NSUN6: variants seen among roughly 807,000 people sequenced by gnomAD.
NSUN6 encodes the protein NOP2/Sun RNA methyltransferase 6.
Under a neutral mutation model 58.0 loss-of-function variants are expected in NSUN6, and 64 were observed. The ratio of observed to expected loss-of-function variants is 1.10; its 90% CI spans 0.90 to 1.36. The LOEUF is 1.36. Among genes scored for constraint, NSUN6 ranks in the 40% most tolerant of loss-of-function variants. NSUN6 has a pLI of 0.00. For synonymous variants in NSUN6, 231 were observed against 193.9 expected (o/e 1.19, Z -1.59); for missense variants, 701 against 550.1 (o/e 1.27, Z -2.74).
intron 5 of NSUN6, among the ~76,000 whole-genome samples, chr10:18,614,049 T>A (rs1358849020): frequency 6.6e-6 from 1 of 152,156 alleles, no homozygotes; most frequent in Non-Finnish European, 1.5e-5. Context: ...AGGTTTCTGG[T>A]AAAATTTATT....
Position 18,545,860 on chromosome 10 carries a change from A to T in NSUN6, c.*73T>A. ...ATCATCATTCAGTTGGCCTGACAAC[A>T]CTTTGGTTAAAAAAAAAAAAACCAC... On this transcript the variant is annotated 3_prime_UTR_variant, in exon 11 of 11. Coordinates refer to ENST00000377304, the MANE Select transcript of NSUN6 (RefSeq NM_182543.5). 1.8e-6 allele frequency: 1 copy of T among 565,492 alleles called. No individual in the cohort carries two copies. 35.0% of individuals were successfully genotyped at this position (565,492 alleles called of 1,614,324 possible).
rs879593722 is a variant in NSUN6 at position 18,558,530 on chromosome 10, CGG to C, written c.923-6561_923-6560del. Among the ~76,000 whole-genome samples the C allele has an allele frequency of 5.2e-3, 641 of 123,434 alleles. 3 individuals carry two copies. Among genetic ancestry groups the C allele is most frequent in the Non-Finnish European group, 7.9e-3 (444 of 56,382 alleles). The allele number at this position is 123,434 out of a possible 152,430, so 81.0% of individuals were successfully genotyped here. ...GAAAGGAATAGAATATGGAATGGAA[CGG>C]AGAATGGAATGGAATGCAGTAGTGA... On this transcript the variant is annotated intron_variant, in intron 8 of 10. Coordinates refer to ENST00000377304, the MANE Select transcript of NSUN6 (RefSeq NM_182543.5).
chr10:18,559,975 T>A (rs1187985459), intron 8 of NSUN6, among the ~76,000 whole-genome samples: 1 of 145,588 alleles, frequency 6.9e-6, no homozygotes, highest in Non-Finnish European at 1.5e-5. Context: ...TGGAATGGAA[T>A]GGAGAATCGA....
At position 18,575,252 on chromosome 10, in the gene NSUN6, T is replaced by C. The variant is rs557897416; in HGVS notation, c.922+10697A>G. ...ACAGGTTATAAATAGTTGCTTAGTATATAAGAAAACTAAGAAACTATAAAA... is the reference window on the plus strand; with the variant it reads ...ACAGGTTATAAATAGTTGCTTAGTACATAAGAAAACTAAGAAACTATAAAA... On this transcript the variant is annotated intron_variant, in intron 8 of 10. Transcript: ENST00000377304. Among the ~76,000 whole-genome samples, 3 of 152,294 alleles carry C rather than the reference T, an allele frequency of 2.0e-5. No individual in the cohort carries two copies. The South Asian group carries it at 6.2e-4, about 32-fold the overall frequency.
chr10:18,626,831 T>G (rs10734063), intron 3 of NSUN6, among the ~76,000 whole-genome samples: 4 of 152,056 alleles, frequency 2.6e-5, no homozygotes, highest in Non-Finnish European at 5.9e-5. Flanking sequence ...CCAGTCTCAT[T>G]TGGATTTCAA....
intron 2 of NSUN6, among the ~76,000 whole-genome samples, chr10:18,645,934 C>G (rs1393630152): frequency 6.6e-6 from 1 of 152,144 alleles, no homozygotes; most frequent in African/African-American, 2.4e-5. Context: ...GGGATTCACG[C>G]GTGTAATCCC....
intron 3 of NSUN6, among the ~76,000 whole-genome samples, chr10:18,633,639 A>G (rs1472700121): frequency 1.3e-5 from 2 of 151,996 alleles, no homozygotes; most frequent in East Asian, 3.9e-4. Flanking sequence ...CACTTAGTGA[A>G]AAAAAAATCA....
intron 3 of NSUN6, among the ~76,000 whole-genome samples, chr10:18,641,454 C>T (rs1206821842): frequency 3.3e-5 from 5 of 151,878 alleles, no homozygotes; most frequent in African/African-American, 1.2e-4. Context: ...CAGCCTCCAC[C>T]TCCCAGGCTC....
At chr10:18,610,979 G>A (rs922055407) in intron 5 of NSUN6, among the ~76,000 whole-genome samples, 30 of 152,242 alleles carry the variant, frequency 2.0e-4, no homozygotes, top group Middle Eastern at 3.4e-3. Flanking sequence ...TGGCACAGGA[G>A]GATCACTTGA....
At chr10:18,583,590 A>T (rs1304496796) in intron 8 of NSUN6, among the ~76,000 whole-genome samples, 1 of 152,228 alleles carries the variant, frequency 6.6e-6, no homozygotes, top group Non-Finnish European at 1.5e-5. Flanking sequence ...GCCAATAAAA[A>T]TATGTTCAAA....
At chr10:18,577,093 G>A (rs866924610) in intron 8 of NSUN6, among the ~76,000 whole-genome samples, 14 of 152,136 alleles carry the variant, frequency 9.2e-5, no homozygotes, top group South Asian at 6.2e-4. Context: ...TACAACCAAC[G>A]GCGATTTATT....
chr10:18,617,275 C>A (rs1318320348), intron 3 of NSUN6, among the ~76,000 whole-genome samples: 1 of 151,146 alleles, frequency 6.6e-6, no homozygotes, highest in Non-Finnish European at 1.5e-5. Context: ...GCAACCTCTG[C>A]CATCTGGGTT....
chr10:18,613,462 C>G (rs1177730702), intron 5 of NSUN6, among the ~76,000 whole-genome samples: 2 of 152,090 alleles, frequency 1.3e-5, no homozygotes, highest in Non-Finnish European at 2.9e-5. Context: ...GAACATTGTT[C>G]AGAAAACATT....
chr10:18,566,017 T>C (rs62648435), intron 8 of NSUN6, among the ~76,000 whole-genome samples: 31,608 of 113,698 alleles, frequency 0.28, 3,279 homozygotes, highest in South Asian at 0.4. Flanking sequence ...TTCCATTCTC[T>C]ATTCCATTCC....
intron 3 of NSUN6, among the ~76,000 whole-genome samples, chr10:18,622,827 G>A (rs2058659894): frequency 6.6e-6 from 1 of 152,216 alleles, no homozygotes. Flanking sequence ...AAGGAAGAAA[G>A]TTAATGTTCT....
chr10:18,652,603 C>T (rs1290148133), upstream of NSUN6: 2 of 962,854 alleles, frequency 2.1e-6, no homozygotes, highest in African/African-American at 3.6e-5. Context: ...CTCTGTCGCC[C>T]AGACTGGAGT....
chr10:18,577,421 C>T lies in NSUN6; in HGVS notation c.922+8528G>A, dbSNP rs148934320. 3.3e-3 allele frequency among the ~76,000 whole-genome samples: 500 copies of T among 152,222 alleles called. 4 individuals carry two copies. Among genetic ancestry groups the T allele is most frequent in the Non-Finnish European group, 6.1e-3 (413 of 68,024 alleles). On this transcript the variant is annotated intron_variant, in intron 8 of 10. Transcript: ENST00000377304. Reference sequence around the variant, plus strand: ...TAATAGCCTCAATTCTTACTTCCCTCGCAGCCGTAATGGGTGTACTTCTTC... The same window carrying T: ...TAATAGCCTCAATTCTTACTTCCCTTGCAGCCGTAATGGGTGTACTTCTTC...
chr10:18,559,423 TGGAATGGAGAATGGAAC>T, intron 8 of NSUN6, among the ~76,000 whole-genome samples: 1 of 148,266 alleles, frequency 6.7e-6, no homozygotes, highest in South Asian at 2.1e-4. Context: ...GGGAATGGAA[TGGAATGGAGAATGGAAC>T]AGAATGGAGA....
At chr10:18,637,877 CTTTTCTA>C (rs771241667) in intron 3 of NSUN6, among the ~76,000 whole-genome samples, 1 of 152,142 alleles carries the variant, frequency 6.6e-6, no homozygotes, top group Non-Finnish European at 1.5e-5. Context: ...ATATTATCAT[CTTTTCTA>C]TTTTCTAAAA....
Sources: gnomAD v4.1 joint callset for allele counts (sites outside exome capture counted in the v4.1 genomes callset) on GRCh38, gnomAD v4.1.1 for gene constraint, MANE v1.5 for transcripts, NCBI Gene and HGNC (gene_info 2026-07-23, HGNC 2026-07-21) for gene names.